The following LSAMP variants were observed in gnomAD, a reference collection of about 807,000 sequenced individuals.
LSAMP encodes the protein limbic system associated membrane protein.
LSAMP carries 7 observed loss-of-function variants against 38.6 expected under a neutral mutation model. That is an observed-to-expected ratio of 0.18 (90% confidence interval 0.10 to 0.34). LSAMP has a LOEUF of 0.34. LSAMP is among the 10% of genes least tolerant of loss of function. The pLI, the probability that LSAMP is intolerant of heterozygous loss-of-function variation, is 1.00. For missense variants in LSAMP, 313 were observed against 420.0 expected (o/e 0.75, Z 2.23); for synonymous variants, 154 against 166.8 (o/e 0.92, Z 0.59).
intron 1 of LSAMP, among the ~76,000 whole-genome samples, chr3:116,209,029 C>T (rs1327145469): frequency 6.6e-6 from 1 of 152,206 alleles, no homozygotes; most frequent in Non-Finnish European, 1.5e-5. Flanking sequence ...TGATCTCAGA[C>T]TGCTATGCTA....
intron 1 of LSAMP, among the ~76,000 whole-genome samples, chr3:116,338,756 T>C (rs2047953915): frequency 6.6e-6 from 1 of 152,074 alleles, no homozygotes; most frequent in African/African-American, 2.4e-5. Flanking sequence ...CTGAAAAGAA[T>C]GCTGAAGGAA....
intron 1 of LSAMP, among the ~76,000 whole-genome samples, chr3:116,186,127 T>G: frequency 6.6e-6 from 1 of 152,150 alleles, no homozygotes; most frequent in East Asian, 1.9e-4. Context: ...GGAGATTGTG[T>G]GTCTGGCTAT....
At chr3:116,424,270 T>C (rs2049166202) in intron 1 of LSAMP, among the ~76,000 whole-genome samples, 1 of 152,236 alleles carries the variant, frequency 6.6e-6, no homozygotes. Context: ...GAATGCTTTT[T>C]TGAAGTGCCT....
At position 116,328,728 on chromosome 3, in the gene LSAMP, G is replaced by T. The variant is rs540929651; in HGVS notation, c.155+116149C>A. ...ACTGACATACCAAAGTAAAATGAGA[G>T]AGAGAGGATGCTGTTATACATTACC... is the stretch of plus-strand genomic sequence containing the variant. On this transcript the variant is annotated intron_variant, in intron 1 of 6. Coordinates refer to ENST00000490035, the MANE Select transcript of LSAMP (RefSeq NM_002338.5). Among the ~76,000 whole-genome samples, 3 of 152,260 alleles carry T rather than the reference G, an allele frequency of 2.0e-5. No homozygotes were observed. In the South Asian group the frequency reaches 6.2e-4, roughly 32 times the overall value.
chr3:115,937,317 T>C (rs1339764905), intron 3 of LSAMP, among the ~76,000 whole-genome samples: 3 of 152,072 alleles, frequency 2.0e-5, no homozygotes, highest in East Asian at 1.9e-4. Flanking sequence ...TGGATTGTAG[T>C]TTAAAAAATC....
chr3:115,889,309 G>A (rs899924827), intron 3 of LSAMP, among the ~76,000 whole-genome samples: 1 of 151,922 alleles, frequency 6.6e-6, no homozygotes, highest in Non-Finnish European at 1.5e-5. Context: ...CGCTTATGCT[G>A]GGTGATGTGT....
intron 3 of LSAMP, among the ~76,000 whole-genome samples, chr3:115,852,926 G>C (rs1446978062): frequency 6.6e-6 from 1 of 152,120 alleles, no homozygotes; most frequent in Non-Finnish European, 1.5e-5. Context: ...AGTCTTTCAG[G>C]GAGGCCTGAG....
intron 3 of LSAMP, among the ~76,000 whole-genome samples, chr3:115,915,691 G>A (rs545491361): frequency 6.6e-6 from 1 of 151,918 alleles, no homozygotes; most frequent in Admixed American, 6.5e-5. Flanking sequence ...GGAGTGCAGT[G>A]GCGCAATCTC....
chr3:116,256,206 A>C (rs143627842), intron 1 of LSAMP, among the ~76,000 whole-genome samples: 1 of 152,300 alleles, frequency 6.6e-6, no homozygotes, highest in East Asian at 1.9e-4. Context: ...TTTTGGATTA[A>C]ATGTTCGATA....
At chr3:116,316,696 G>A (rs180887097) in intron 1 of LSAMP, among the ~76,000 whole-genome samples, 4 of 151,168 alleles carry the variant, frequency 2.6e-5, no homozygotes, top group East Asian at 3.9e-4. Flanking sequence ...GTTTGAACCC[G>A]GGAGGCAGAG....
chr3:115,989,722 TA>T (rs947941482), intron 3 of LSAMP, among the ~76,000 whole-genome samples: 1 of 152,112 alleles, frequency 6.6e-6, no homozygotes, highest in African/African-American at 2.4e-5. Flanking sequence ...GTAATGTACT[TA>T]GTCTCCGGAA....
At chr3:116,010,629 T>C (rs1940297067) in intron 3 of LSAMP, among the ~76,000 whole-genome samples, 1 of 152,136 alleles carries the variant, frequency 6.6e-6, no homozygotes, top group East Asian at 1.9e-4. Flanking sequence ...CCATAGAACA[T>C]TGGAAAATGA....
intron 1 of LSAMP, among the ~76,000 whole-genome samples, chr3:116,357,074 T>A (rs1030307965): frequency 1.3e-5 from 2 of 152,176 alleles, no homozygotes; most frequent in African/African-American, 4.8e-5. Context: ...ATTACAAGCG[T>A]GAGCCATCGC....
intron 1 of LSAMP, among the ~76,000 whole-genome samples, chr3:116,367,624 G>T (rs1002798045): frequency 1.3e-5 from 2 of 150,806 alleles, no homozygotes; most frequent in Non-Finnish European, 3.0e-5. Context: ...CCTGCCTCAG[G>T]CTCCCGAGTA....
chr3:116,393,447 A>G (rs779397543), intron 1 of LSAMP, among the ~76,000 whole-genome samples: 3 of 152,172 alleles, frequency 2.0e-5, no homozygotes, highest in Non-Finnish European at 2.9e-5. Flanking sequence ...TGCATCTGAC[A>G]GTGCACAGTG....
intron 1 of LSAMP, among the ~76,000 whole-genome samples, chr3:116,292,071 C>CCTGA (rs2047273983): frequency 6.6e-6 from 1 of 152,130 alleles, no homozygotes; most frequent in African/African-American, 2.4e-5. Flanking sequence ...TATTTTTTCA[C>CCTGA]CTGACTTTCA....
At chr3:115,909,802 G>A (rs945361170) in intron 3 of LSAMP, among the ~76,000 whole-genome samples, 9 of 152,098 alleles carry the variant, frequency 5.9e-5, no homozygotes, top group African/African-American at 2.2e-4. Context: ...AAGCCAGTCA[G>A]GATAATATAC....
chr3:116,289,841 G>A (rs1247932025), intron 1 of LSAMP, among the ~76,000 whole-genome samples: 1 of 152,232 alleles, frequency 6.6e-6, no homozygotes, highest in East Asian at 1.9e-4. Context: ...AGTCACTCAC[G>A]CTATCTTAGG....
chr3:116,267,527 T>C (rs1043828707), intron 1 of LSAMP, among the ~76,000 whole-genome samples: 2 of 150,560 alleles, frequency 1.3e-5, no homozygotes, highest in African/African-American at 2.4e-5. Context: ...TCAGGATGTA[T>C]AGAGAAGTTT....
Sources: gnomAD v4.1 joint callset for allele counts (sites outside exome capture counted in the v4.1 genomes callset) on GRCh38, gnomAD v4.1.1 for gene constraint, MANE v1.5 for transcripts, NCBI Gene and HGNC (gene_info 2026-07-23, HGNC 2026-07-21) for gene names.